DENND2C: variants seen among roughly 807,000 people sequenced by gnomAD.
DENND2C encodes DENN domain-containing protein 2C.
Under a neutral mutation model 112.4 loss-of-function variants are expected in DENND2C, and 72 were observed. That is an observed-to-expected ratio of 0.64 (90% confidence interval 0.53 to 0.78). The LOEUF is 0.78. Among genes scored for constraint, DENND2C ranks in the 30% least tolerant of loss-of-function variants. The pLI, the probability that DENND2C is intolerant of heterozygous loss-of-function variation, is 0.00. For synonymous variants in DENND2C, 329 were observed against 381.6 expected, an observed-to-expected ratio of 0.86 and a Z score of 1.61; for missense variants, 992 against 1,113.8, an observed-to-expected ratio of 0.89 and a Z score of 1.56.
rs573644870 is a variant in DENND2C, at chr1:114,598,756, A to G, written c.2283+518T>C. Among the ~76,000 whole-genome samples the G allele has an allele frequency of 6.6e-5, 10 of 152,296 alleles. No individual in the cohort carries two copies. The East Asian group carries it at 1.7e-3, about 26-fold the overall frequency. On this transcript the variant is annotated intron_variant, in intron 16 of 20. Transcript: ENST00000393274. Reference sequence around the variant, plus strand: ...GAGTGCAGTGGCATGATCTCGGCTCACTGCAACCTCCACCTCCCAGATTCA... The same window carrying G: ...GAGTGCAGTGGCATGATCTCGGCTCGCTGCAACCTCCACCTCCCAGATTCA...
intron 18 of DENND2C, among the ~76,000 whole-genome samples, chr1:114,591,134 GTTTTAA>G (rs1655177935): frequency 6.6e-6 from 1 of 152,030 alleles, no homozygotes; most frequent in Non-Finnish European, 1.5e-5. Context: ...CCTGGCTAAT[GTTTTAA>G]TTTTGTTTGT....
At chr1:114,609,149 A>G (rs1655744079) in intron 9 of DENND2C, among the ~76,000 whole-genome samples, 1 of 152,226 alleles carries the variant, frequency 6.6e-6, no homozygotes, top group Non-Finnish European at 1.5e-5. Context: ...GTATGTCCCA[A>G]CAAATAATCT....
At chr1:114,658,497 T>C (rs564928985) in intron 1 of DENND2C, among the ~76,000 whole-genome samples, 19 of 152,080 alleles carry the variant, frequency 1.2e-4, no homozygotes, top group African/African-American at 4.6e-4. Context: ...TGAAGGCAGA[T>C]AACAGCAAAA....
chr1:114,585,536 C>T lies in DENND2C; in HGVS notation c.*64G>A. On this transcript the variant is annotated 3_prime_UTR_variant, in exon 21 of 21. Transcript: ENST00000393274. Reference sequence around the variant, plus strand: ...GTAGAATACTTCATGGGATCCTGACCCTTAGAAAAATATTTTCTTTGGCAC... The same window carrying T: ...GTAGAATACTTCATGGGATCCTGACTCTTAGAAAAATATTTTCTTTGGCAC... 1.3e-6 allele frequency: 2 copies of T among 1,563,764 alleles called. No homozygotes were observed. The highest frequency in any genetic ancestry group is 1.8e-6 in the Non-Finnish European group (2 of 1,137,054).
At chr1:114,617,495 G>C (rs1402807200) in intron 8 of DENND2C, among the ~76,000 whole-genome samples, 2 of 151,976 alleles carry the variant, frequency 1.3e-5, no homozygotes, top group Non-Finnish European at 2.9e-5. Context: ...ATTTTTAGTA[G>C]AGACAGGTTT....
At chr1:114,588,007 T>C in intron 18 of DENND2C, 55 bp from the exon 19 acceptor site, 1 of 1,454,336 alleles carries the variant, frequency 6.9e-7, no homozygotes, top group Middle Eastern at 1.9e-4. Flanking sequence ...TATCTGTATC[T>C]GGAAACACTG....
chr1:114,615,395 T>A (rs1655937902), intron 8 of DENND2C, among the ~76,000 whole-genome samples: 1 of 152,254 alleles, frequency 6.6e-6, no homozygotes, highest in South Asian at 2.1e-4. Context: ...TAGAAAAAGA[T>A]AAGCTATGTG....
At chr1:114,623,957 A>G (rs893147326) in intron 4 of DENND2C, among the ~76,000 whole-genome samples, 1 of 152,224 alleles carries the variant, frequency 6.6e-6, no homozygotes, top group Non-Finnish European at 1.5e-5. Flanking sequence ...GCTGGTCTTG[A>G]ACTCCTGACT....
chr1:114,623,102 T>C lies in DENND2C; in HGVS notation c.944-3A>G. ...ATATGGATTTTCTTTGGTGGGATCT[T>C]AAAAAATAATTTAAAAAAATGTTTA... On this transcript the variant is annotated splice_region_variant and splice_polypyrimidine_tract_variant and intron_variant, in intron 5 of 20. Coordinates refer to ENST00000393274, the MANE Select transcript of DENND2C (RefSeq NM_001256404.2). 1 of 1,595,410 alleles carries C rather than the reference T, an allele frequency of 6.3e-7. No individual in the cohort carries two copies.
chr1:114,604,882 AGG>A (rs1655614777), intron 11 of DENND2C, 38 bp downstream of exon 11: 1 of 1,369,736 alleles, frequency 7.3e-7, no homozygotes, highest in East Asian at 2.3e-5. Context: ...TTATTTTTGC[AGG>A]TCTAATGAAT....
At chr1:114,662,950 A>C (rs1158555177) in intron 1 of DENND2C, among the ~76,000 whole-genome samples, 2 of 152,102 alleles carry the variant, frequency 1.3e-5, no homozygotes, top group African/African-American at 4.8e-5. Context: ...ACAGAGAAAG[A>C]CCAAGAAAAG....
At chr1:114,648,415 C>T (rs187642894) in intron 2 of DENND2C, among the ~76,000 whole-genome samples, 48 of 152,274 alleles carry the variant, frequency 3.2e-4, no homozygotes, top group Non-Finnish European at 4.6e-4. Context: ...TCGAATACCC[C>T]CATATTCTAA....
intron 2 of DENND2C, among the ~76,000 whole-genome samples, chr1:114,648,277 T>C (rs541567228): frequency 1.3e-5 from 2 of 152,232 alleles, no homozygotes; most frequent in Admixed American, 6.5e-5. Flanking sequence ...CCACTGTATA[T>C]TATACTACTT....
chr1:114,616,737 C>T (rs1008294751), intron 8 of DENND2C, among the ~76,000 whole-genome samples: 1 of 152,104 alleles, frequency 6.6e-6, no homozygotes, highest in African/African-American at 2.4e-5. Context: ...CACTTGTAAT[C>T]CCAGCTACTT....
chr1:114,611,045 A>G, intron 9 of DENND2C, 28 bp downstream of exon 9: 2 of 1,613,918 alleles, frequency 1.2e-6, no homozygotes, highest in Non-Finnish European at 1.7e-6. Context: ...CATCACAACA[A>G]CGGGAGCAGC....
intron 3 of DENND2C, among the ~76,000 whole-genome samples, chr1:114,638,105 C>T (rs1003450436): frequency 6.6e-6 from 1 of 152,128 alleles, no homozygotes; most frequent in East Asian, 1.9e-4. Context: ...ACAAAAGGAT[C>T]AGCAGAAGAG....
chr1:114,638,701 T>G (rs1189956250), intron 3 of DENND2C, among the ~76,000 whole-genome samples: 1 of 142,800 alleles, frequency 7.0e-6, no homozygotes, highest in Non-Finnish European at 1.5e-5. Flanking sequence ...AAGTCAAGGA[T>G]GTAGTGAGCG....
At chr1:114,655,513 T>G (rs1443935426) in intron 1 of DENND2C, among the ~76,000 whole-genome samples, 1 of 152,158 alleles carries the variant, frequency 6.6e-6, no homozygotes, top group African/African-American at 2.4e-5. Flanking sequence ...AGATGGAGTC[T>G]CGCTCTGTTG....
At chr1:114,590,635 G>A (rs1015862549) in intron 18 of DENND2C, among the ~76,000 whole-genome samples, 4 of 151,934 alleles carry the variant, frequency 2.6e-5, no homozygotes, top group South Asian at 2.1e-4. Flanking sequence ...AAAATTAGCC[G>A]GGCGAGGTGG....
Sources: gnomAD v4.1 joint callset for allele counts (sites outside exome capture counted in the v4.1 genomes callset) on GRCh38, gnomAD v4.1.1 for gene constraint, MANE v1.5 for transcripts, NCBI Gene and HGNC (gene_info 2026-07-23, HGNC 2026-07-21) for gene names.